CUBN: variants seen among roughly 807,000 people sequenced by gnomAD.
CUBN encodes the protein 460 kDa receptor.
Under a neutral mutation model 405.3 loss-of-function variants are expected in CUBN, and 282 were observed. The ratio of observed to expected loss-of-function variants is 0.70; its 90% CI spans 0.63 to 0.77. CUBN has a LOEUF of 0.77. CUBN is among the 30% of genes least tolerant of loss of function. The pLI is 0.00. For missense variants in CUBN, 4,514 were observed against 4,475.2 expected (o/e 1.01, Z -0.25); for synonymous variants, 1,684 against 1,617.0 (o/e 1.04, Z -0.99).
intron 62 of CUBN, 77 bp from the exon 63 acceptor site, chr10:16,836,459 T>C (rs1326931217): frequency 7.6e-7 from 1 of 1,309,388 alleles, no homozygotes; most frequent in African/African-American, 1.5e-5. Context: ...TTAGACTGCA[T>C]ATAAAAGCAT....
At chr10:16,859,150 A>C (rs1839945622) in intron 59 of CUBN, among the ~76,000 whole-genome samples, 1 of 152,220 alleles carries the variant, frequency 6.6e-6, no homozygotes, top group South Asian at 2.1e-4. Flanking sequence ...ACTTTTGTTC[A>C]GTGAAAGGCC....
intron 31 of CUBN, among the ~76,000 whole-genome samples, chr10:16,964,679 C>T (rs906847777): frequency 3.3e-5 from 5 of 152,146 alleles, no homozygotes; most frequent in Non-Finnish European, 7.4e-5. Flanking sequence ...TAAGTGATTA[C>T]ATACAGACAT....
At position 17,106,295 on chromosome 10, in the gene CUBN, T is replaced by A. The variant is rs543434052; in HGVS notation, c.1112-720A>T. On this transcript the variant is annotated intron_variant, in intron 10 of 66. Coordinates refer to ENST00000377833, the MANE Select transcript of CUBN (RefSeq NM_001081.4). ...GTGAGACTCCATTTCCAAGAAAAAA[T>A]TTTTTAATTATAATAATAATAATAC... 2.4e-3 allele frequency among the ~76,000 whole-genome samples: 325 copies of A among 135,558 alleles called. 1 individual carries two copies. The highest frequency in any genetic ancestry group is 3.7e-3 in the Non-Finnish European group (235 of 62,982). 88.9% of individuals were successfully genotyped at this position (135,558 alleles called of 152,430 possible).
chr10:16,939,490 A>C (rs1842599610), intron 37 of CUBN, among the ~76,000 whole-genome samples: 1 of 152,218 alleles, frequency 6.6e-6, no homozygotes. Context: ...AAAGAATGGA[A>C]CATTTAAAGA....
chr10:17,069,153 T>C (rs1020348266), intron 19 of CUBN, among the ~76,000 whole-genome samples: 1 of 152,218 alleles, frequency 6.6e-6, no homozygotes, highest in African/African-American at 2.4e-5. Flanking sequence ...CTTGTAATAT[T>C]CCACTGTAAA....
At chr10:16,939,911 C>T in intron 37 of CUBN, 121 bp downstream of exon 37, 1 of 930,656 alleles carries the variant, frequency 1.1e-6, no homozygotes, top group East Asian at 2.4e-5. Flanking sequence ...TTCACAAAGA[C>T]AATGTAGGAA....
At position 17,075,893 on chromosome 10, in the gene CUBN, A is replaced by T. The variant is rs1455655081; in HGVS notation, c.2302-3922T>A. 2.0e-5 allele frequency among the ~76,000 whole-genome samples: 3 copies of T among 152,342 alleles called. No individual in the cohort carries two copies. In the East Asian group the frequency reaches 5.8e-4, roughly 29 times the overall value. ...AAAACTTTGCAAATAGGTATTTGAC[A>T]AATTCTTGTTGATTCATTAATTTTA... is the stretch of plus-strand genomic sequence containing the variant. On this transcript the variant is annotated intron_variant, in intron 17 of 66. Transcript: ENST00000377833.
chr10:16,892,604 A>G (rs1035680129), intron 54 of CUBN, among the ~76,000 whole-genome samples: 11 of 152,014 alleles, frequency 7.2e-5, no homozygotes, highest in African/African-American at 2.7e-4. Context: ...TGATCTTCCC[A>G]CCTCAGCCTC....
intron 27 of CUBN, among the ~76,000 whole-genome samples, chr10:17,021,328 C>T (rs1188562835): frequency 6.6e-6 from 1 of 152,214 alleles, no homozygotes; most frequent in Non-Finnish European, 1.5e-5. Context: ...ACAAAAATCT[C>T]TCTACTATAT....
chr10:17,075,871 A>T (rs903238370), intron 17 of CUBN, among the ~76,000 whole-genome samples: 1 of 152,212 alleles, frequency 6.6e-6, no homozygotes, highest in Non-Finnish European at 1.5e-5. Flanking sequence ...AATAAAAAAA[A>T]CTTTGCAAAT....
chr10:17,060,886 A>G (rs927013269), intron 22 of CUBN, among the ~76,000 whole-genome samples: 1 of 152,066 alleles, frequency 6.6e-6, no homozygotes, highest in African/African-American at 2.4e-5. Flanking sequence ...CCCTGTCTCT[A>G]CTAAAAATAC....
intron 28 of CUBN, among the ~76,000 whole-genome samples, chr10:17,018,422 C>T (rs1834400459): frequency 6.6e-6 from 1 of 152,034 alleles, no homozygotes; most frequent in African/African-American, 2.4e-5. Context: ...TTTGTTTGTT[C>T]AGATGTTCAG....
In CUBN at chr10:16,947,220, TAA is replaced by T; in HGVS notation, c.5342+13_5342+14del. The T allele has an allele frequency of 2.5e-6, 4 of 1,613,632 alleles. No homozygotes were observed. Among genetic ancestry groups the T allele is most frequent in the Non-Finnish European group, 3.4e-6 (4 of 1,179,664 alleles). Reference sequence around the variant, plus strand: ...TCATTAGCACTGAAACAATACACCATAAAAAAGGATTTACATAAAAGACAGCT... The same window carrying T: ...TCATTAGCACTGAAACAATACACCATAAAAGGATTTACATAAAAGACAGCT... On this transcript the variant is annotated intron_variant, in intron 36 of 66. Coordinates refer to ENST00000377833, the MANE Select transcript of CUBN (RefSeq NM_001081.4).
chr10:16,831,510 G>T, intron 64 of CUBN, 93 bp from the exon 65 acceptor site: 1 of 1,174,560 alleles, frequency 8.5e-7, no homozygotes, highest in Middle Eastern at 2.3e-4. Flanking sequence ...GACATTGGTC[G>T]GAAAAGCTTT....
At position 16,869,183 on chromosome 10, in the gene CUBN, T is replaced by TGA. The variant is rs5783519; in HGVS notation, c.9454+451_9454+452dup. Among the ~76,000 whole-genome samples, 6 of 147,808 alleles carry TGA rather than the reference T, an allele frequency of 4.1e-5. No individual in the cohort carries two copies. The South Asian group carries it at 1.3e-3, about 31-fold the overall frequency. ...AAAGTGATTTTTTTTTTTTTTTTTT[T>TGA]GAGACAGAGTCTCATTCTGTCACCC... is the stretch of plus-strand genomic sequence containing the variant. On this transcript the variant is annotated intron_variant, in intron 59 of 66. Coordinates refer to ENST00000377833, the MANE Select transcript of CUBN (RefSeq NM_001081.4).
intron 58 of CUBN, among the ~76,000 whole-genome samples, chr10:16,872,564 A>G (rs1374775022): frequency 6.6e-6 from 1 of 152,176 alleles, no homozygotes; most frequent in African/African-American, 2.4e-5. Flanking sequence ...AGGCCCTTCC[A>G]GCTCATGAAG....
At chr10:16,946,818 A>G (rs180711415) in intron 36 of CUBN, among the ~76,000 whole-genome samples, 2 of 152,286 alleles carry the variant, frequency 1.3e-5, no homozygotes, top group East Asian at 3.9e-4. Context: ...TCTGACAGAA[A>G]TAGAAGGAAA....
chr10:17,053,602 GAA>G (rs1313027342), intron 22 of CUBN, among the ~76,000 whole-genome samples: 1 of 151,830 alleles, frequency 6.6e-6, no homozygotes, highest in Non-Finnish European at 1.5e-5. Context: ...AAAAATTAAA[GAA>G]AAAAATAAAA....
At position 17,019,957 on chromosome 10, in the gene CUBN, T is replaced by C. The variant is rs1288282138; in HGVS notation, c.4044A>G (p.Gly1348=). 1.9e-6 allele frequency: 3 copies of C among 1,614,104 alleles called. No individual in the cohort carries two copies. Among genetic ancestry groups the C allele is most frequent in the Non-Finnish European group, 2.5e-6 (3 of 1,179,976 alleles). ...LELYDGPRQM[G]RYCGVDLPPP... ...GGGGCAGGTCTACTCCACAGTAGCG[T>C]CCCATCTGCCGTGGTCCATCATAGA... is the stretch of plus-strand genomic sequence containing the variant. The change falls in exon 28 of 67, where the codon GGA becomes GGG. Residue 1348 remains glycine (G), a synonymous_variant. Transcript: ENST00000377833.
Sources: allele counts gnomAD v4.1 joint callset (sites outside exome capture counted in the v4.1 genomes callset), GRCh38; gene constraint gnomAD v4.1.1; transcripts MANE v1.5; gene names NCBI Gene and HGNC (gene_info 2026-07-23, HGNC 2026-07-21).